The following ISM1 variants were observed in gnomAD, a reference collection of about 807,000 sequenced individuals.
The protein encoded by ISM1 is isthmin-1.
ISM1 carries 25 observed loss-of-function variants against 46.3 expected under a neutral mutation model. The ratio of observed to expected loss-of-function variants is 0.54; its 90% CI spans 0.39 to 0.75. The LOEUF (loss-of-function observed/expected upper bound fraction) is 0.75. Among genes scored for constraint, ISM1 ranks in the 30% least tolerant of loss-of-function variants. ISM1 has a pLI of 0.00. For synonymous variants in ISM1, 255 were observed against 256.7 expected (o/e 0.99, Z 0.06); for missense variants, 536 against 625.4 (o/e 0.86, Z 1.52).
chr20:13,325,489 G>A, the ISM1 span, among the ~76,000 whole-genome samples: 1 of 150,952 alleles, frequency 6.6e-6, no homozygotes, highest in Non-Finnish European at 1.5e-5. Context: ...CACAGTTTCT[G>A]CTACAGGAAA....
chr20:13,278,160 C>G (rs141171965), intron 2 of ISM1, among the ~76,000 whole-genome samples: 2 of 152,306 alleles, frequency 1.3e-5, no homozygotes, highest in Non-Finnish European at 2.9e-5. Context: ...GCCAAAGGAA[C>G]CCAATGCGTC....
At chr20:13,229,723 G>A (rs1254367738) in intron 1 of ISM1, among the ~76,000 whole-genome samples, 2 of 152,048 alleles carry the variant, frequency 1.3e-5, no homozygotes, top group Non-Finnish European at 2.9e-5. Flanking sequence ...ATAGTATTGT[G>A]GTAATTCTTC....
chr20:13,261,217 C>A (rs1353697169), intron 1 of ISM1, among the ~76,000 whole-genome samples: 1 of 152,060 alleles, frequency 6.6e-6, no homozygotes, highest in East Asian at 1.9e-4. Context: ...AATTCAAGAC[C>A]AGCCTGGCCA....
intron 2 of ISM1, among the ~76,000 whole-genome samples, chr20:13,278,644 T>A (rs746201961): frequency 3.9e-5 from 6 of 152,164 alleles, no homozygotes. Flanking sequence ...TTTTCCTTGG[T>A]GGTAAAAGTT....
rs559304018 is a variant in ISM1, at chr20:13,242,455, T to C, written c.138+20541T>C. Among the ~76,000 whole-genome samples the C allele has an allele frequency of 3.3e-5, 5 of 152,256 alleles. No homozygotes were observed. In the South Asian group the frequency reaches 6.2e-4, roughly 19 times the overall value. Reference sequence around the variant, plus strand: ...AAGATCCAGGAGAAGGTTGAGGGGATGTTCAGAGAAGTGGAAAATGAGAGA... The same window carrying C: ...AAGATCCAGGAGAAGGTTGAGGGGACGTTCAGAGAAGTGGAAAATGAGAGA... On this transcript the variant is annotated intron_variant, in intron 1 of 5. Coordinates refer to ENST00000262487, the MANE Select transcript of ISM1 (RefSeq NM_080826.2).
downstream of ISM1, among the ~76,000 whole-genome samples, chr20:13,301,346 G>A (rs889896644): frequency 1.5e-4 from 23 of 152,188 alleles, 1 homozygote; most frequent in African/African-American, 5.3e-4. Flanking sequence ...GTGCCACCAC[G>A]CCTGGCTAAC....
At chr20:13,314,127 AAG>A in the ISM1 span, among the ~76,000 whole-genome samples, 1 of 152,182 alleles carries the variant, frequency 6.6e-6, no homozygotes, top group Non-Finnish European at 1.5e-5. Context: ...CAGAACAGTC[AAG>A]ACTTAGAGAC....
At chr20:13,306,268 T>C in the ISM1 span, among the ~76,000 whole-genome samples, 2 of 152,138 alleles carry the variant, frequency 1.3e-5, no homozygotes, top group Non-Finnish European at 2.9e-5. Context: ...AAAAAGGAAT[T>C]TTTTTTCTAT....
chr20:13,316,590 T>C, the ISM1 span, among the ~76,000 whole-genome samples: 4 of 151,874 alleles, frequency 2.6e-5, no homozygotes, highest in Non-Finnish European at 4.4e-5. Flanking sequence ...TTATGCCCCA[T>C]GACCAAGTGG....
chr20:13,244,060 CCT>C (rs1189626672), intron 1 of ISM1: 1 of 152,112 alleles, frequency 6.6e-6, no homozygotes, highest in East Asian at 1.9e-4. Flanking sequence ...GAAAGAGAGC[CCT>C]GTTAGCCAGT....
chr20:13,285,519 C>T (rs548676353), intron 3 of ISM1, among the ~76,000 whole-genome samples: 1 of 152,108 alleles, frequency 6.6e-6, no homozygotes, highest in Admixed American at 6.5e-5. Context: ...GGTCCCTCCC[C>T]CTCCAGGAGG....
chr20:13,245,844 C>T (rs1054900969), intron 1 of ISM1, among the ~76,000 whole-genome samples: 7 of 152,156 alleles, frequency 4.6e-5, no homozygotes, highest in African/African-American at 1.7e-4. Flanking sequence ...TGGAACTGAC[C>T]CACCTTTCCT....
chr20:13,281,198 G>C (rs972764528), intron 3 of ISM1, among the ~76,000 whole-genome samples: 1 of 152,196 alleles, frequency 6.6e-6, no homozygotes, highest in Non-Finnish European at 1.5e-5. Flanking sequence ...GCAAGGCATA[G>C]TCTGTCCCCA....
chr20:13,265,042 G>A (rs2040027795), intron 1 of ISM1, among the ~76,000 whole-genome samples: 2 of 152,146 alleles, frequency 1.3e-5, no homozygotes, highest in African/African-American at 2.4e-5. Flanking sequence ...AAGACTGTGC[G>A]TTGGGCCCGA....
intron 4 of ISM1, among the ~76,000 whole-genome samples, chr20:13,289,669 AGGAGGGGGAGG>A (rs2040332069): frequency 1.0e-5 from 1 of 96,484 alleles, no homozygotes; most frequent in African/African-American, 4.1e-5. Flanking sequence ...AAGGAGGAGG[AGGAGGGGGAGG>A]AGGAGGAAGA....
chr20:13,238,288 G>A (rs1488434123), intron 1 of ISM1, among the ~76,000 whole-genome samples: 1 of 152,110 alleles, frequency 6.6e-6, no homozygotes, highest in African/African-American at 2.4e-5. Flanking sequence ...TTATGCTCTA[G>A]CCCTCTCCCT....
chr20:13,229,987 C>T (rs993128311), intron 1 of ISM1, among the ~76,000 whole-genome samples: 1 of 152,154 alleles, frequency 6.6e-6, no homozygotes, highest in African/African-American at 2.4e-5. Flanking sequence ...AATTCTATTT[C>T]TTAATTTTAT....
At chr20:13,305,218 A>T (rs2040490902), downstream of ISM1, among the ~76,000 whole-genome samples, 1 of 140,330 alleles carries the variant, frequency 7.1e-6, no homozygotes, top group Admixed American at 7.3e-5. Context: ...AAAAAAAAAA[A>T]ACCCTTAATT....
At chr20:13,276,743 T>A in intron 2 of ISM1, among the ~76,000 whole-genome samples, 1 of 152,216 alleles carries the variant, frequency 6.6e-6, no homozygotes, top group Non-Finnish European at 1.5e-5. Context: ...ATCAACGGAT[T>A]CTTTGATGCT....
Sources: allele counts gnomAD v4.1 joint callset (sites outside exome capture counted in the v4.1 genomes callset), GRCh38; gene constraint gnomAD v4.1.1; transcripts MANE v1.5; gene names NCBI Gene and HGNC (gene_info 2026-07-23, HGNC 2026-07-21).